HLCS: variants seen among roughly 807,000 people sequenced by gnomAD.
The protein encoded by HLCS is biotin--protein ligase.
Under a neutral mutation model 75.0 loss-of-function variants are expected in HLCS, and 53 were observed. That is an observed-to-expected ratio of 0.71 (90% CI 0.57 to 0.89). The LOEUF is 0.89. HLCS is among the 40% of genes least tolerant of loss of function. The probability of loss-of-function intolerance (pLI) is 0.00; values close to 1 mark genes in which losing one functional copy is unlikely to be tolerated. For synonymous variants in HLCS, 431 were observed against 428.6 expected (o/e 1.01, Z -0.07); for missense variants, 966 against 1,074.0 (o/e 0.90, Z 1.41).
intron 5 of HLCS, among the ~76,000 whole-genome samples, chr21:36,926,373 C>T (rs200085246): frequency 6.6e-6 from 1 of 152,196 alleles, no homozygotes; most frequent in Admixed American, 6.5e-5. Context: ...GTTTTACTAT[C>T]AGAGCGAACC....
At chr21:36,838,515 C>A (rs1011090471) in intron 6 of HLCS, among the ~76,000 whole-genome samples, 2 of 151,998 alleles carry the variant, frequency 1.3e-5, no homozygotes, top group African/African-American at 4.8e-5. Flanking sequence ...ACCATCCTGG[C>A]CAACACGGTG....
chr21:36,881,935 A>G (rs1207500782), intron 6 of HLCS, among the ~76,000 whole-genome samples: 2 of 152,042 alleles, frequency 1.3e-5, no homozygotes, highest in Non-Finnish European at 2.9e-5. Flanking sequence ...TCTGGGAAGC[A>G]GAGGTTGCAG....
chr21:36,946,088 T>G, intron 2 of HLCS: 1 of 984,984 alleles, frequency 1.0e-6, no homozygotes. Flanking sequence ...GGTTCCAAAA[T>G]ATAAAGTCCT....
chr21:36,917,905 G>A (rs2146433486), intron 5 of HLCS, among the ~76,000 whole-genome samples: 1 of 150,594 alleles, frequency 6.6e-6, no homozygotes, highest in East Asian at 2.0e-4. Flanking sequence ...GTGTGACTTT[G>A]GACCACGTAA....
chr21:36,906,833 T>C lies in HLCS; in HGVS notation c.1621-9702A>G, dbSNP rs575363662. 2.0e-3 allele frequency among the ~76,000 whole-genome samples: 302 copies of C among 152,322 alleles called. 1 individual carries two copies. The highest frequency in any genetic ancestry group is 7.1e-3 in the African/African-American group (294 of 41,560). On this transcript the variant is annotated intron_variant, in intron 5 of 10. Transcript: ENST00000674895. ...TGCAGTATATCAAGACGGTGTGGTA[T>C]TGGCACACAGAGATAGGTATAGATT... is the stretch of plus-strand genomic sequence containing the variant.
At chr21:36,966,932 C>T (rs1267254873), upstream of HLCS, among the ~76,000 whole-genome samples, 1 of 147,946 alleles carries the variant, frequency 6.8e-6, no homozygotes, top group Non-Finnish European at 1.5e-5. Flanking sequence ...GCACCGGGGT[C>T]AGGGGACGCC....
At chr21:36,777,008 T>G (rs956497539) in intron 6 of HLCS, among the ~76,000 whole-genome samples, 3 of 152,196 alleles carry the variant, frequency 2.0e-5, no homozygotes, top group Admixed American at 6.5e-5. Context: ...TATGTCCCCT[T>G]CCCCAACAGT....
chr21:36,790,232 T>C (rs897775347), intron 6 of HLCS, among the ~76,000 whole-genome samples: 13 of 152,098 alleles, frequency 8.5e-5, no homozygotes, highest in Non-Finnish European at 1.3e-4. Context: ...GGTGAAACCC[T>C]GTCTCTACTA....
chr21:36,896,779 C>A, intron 6 of HLCS, 81 bp downstream of exon 6: 4 of 1,489,352 alleles, frequency 2.7e-6, no homozygotes, highest in Non-Finnish European at 3.7e-6. Flanking sequence ...ACAACTCTAT[C>A]CCCTCCCCGT....
chr21:36,845,052 T>A (rs2062749236), intron 6 of HLCS, among the ~76,000 whole-genome samples: 1 of 152,224 alleles, frequency 6.6e-6, no homozygotes, highest in South Asian at 2.1e-4. Flanking sequence ...TGATTTTTTA[T>A]GCTTTCATTT....
intron 6 of HLCS, among the ~76,000 whole-genome samples, chr21:36,845,202 T>A (rs60754229): frequency 0.12 from 18,149 of 152,188 alleles, 1,485 homozygotes; most frequent in Non-Finnish European, 0.18. Context: ...CGATGACTCA[T>A]TTTCCTTCCC....
At chr21:36,802,348 C>T (rs1253663927) in intron 6 of HLCS, among the ~76,000 whole-genome samples, 1 of 152,214 alleles carries the variant, frequency 6.6e-6, no homozygotes, top group Non-Finnish European at 1.5e-5. Context: ...GCCAGCCCAA[C>T]TGAAAGGGGA....
chr21:36,750,632 A>C lies in HLCS; in HGVS notation c.*3614T>G, dbSNP rs1164999583. Among the ~76,000 whole-genome samples, 2 of 152,096 alleles carry C rather than the reference A, an allele frequency of 1.3e-5. No individual in the cohort carries two copies. The highest frequency in any genetic ancestry group is 2.9e-5 in the Non-Finnish European group (2 of 68,030). On this transcript the variant is annotated 3_prime_UTR_variant, in exon 11 of 11. Coordinates refer to ENST00000674895, the MANE Select transcript of HLCS (RefSeq NM_001352514.2). ...ATTTACCAGAGCTATAAGATGGTTA[A>C]GGTAGACTAGTGGGGACTGCTACAG... is the stretch of plus-strand genomic sequence containing the variant.
intron 1 of HLCS, among the ~76,000 whole-genome samples, chr21:36,983,400 G>A (rs2069162327): frequency 6.6e-6 from 1 of 151,526 alleles, no homozygotes; most frequent in Non-Finnish European, 1.5e-5. Flanking sequence ...TAGTAGAGAT[G>A]GGGTTTCACT....
chr21:36,805,845 A>C (rs1341998305), intron 6 of HLCS, among the ~76,000 whole-genome samples: 1 of 152,232 alleles, frequency 6.6e-6, no homozygotes, highest in African/African-American at 2.4e-5. Flanking sequence ...AGTAGGAGTT[A>C]AAAGAATAAA....
At chr21:36,782,104 TTAGTGA>T (rs2060553430) in intron 6 of HLCS, among the ~76,000 whole-genome samples, 1 of 152,214 alleles carries the variant, frequency 6.6e-6, no homozygotes, top group African/African-American at 2.4e-5. Context: ...TTGATGCTCA[TTAGTGA>T]TACTGGCCTG....
chr21:36,780,375 C>T lies in HLCS; in HGVS notation c.1893-13090G>A, dbSNP rs151248257. Among the ~76,000 whole-genome samples, 235 of 152,242 alleles carry T rather than the reference C, an allele frequency of 1.5e-3. 1 individual carries two copies. Among genetic ancestry groups the T allele is most frequent in the Admixed American group, 2.5e-3 (38 of 15,284 alleles). On this transcript the variant is annotated intron_variant, in intron 6 of 10. Coordinates refer to ENST00000674895, the MANE Select transcript of HLCS (RefSeq NM_001352514.2). ...CTGGAACTACAGGTGCCCACCACCA[C>T]GCCTGGCTTTTTTTTTGTATTTTTA...
intron 6 of HLCS, among the ~76,000 whole-genome samples, chr21:36,839,888 A>C (rs968758162): frequency 2.2e-4 from 33 of 152,226 alleles, no homozygotes; most frequent in African/African-American, 7.2e-4. Flanking sequence ...GTTAACATTT[A>C]TTTCGCTGGA....
At chr21:36,935,843 TC>T (rs2066855218) in intron 4 of HLCS, among the ~76,000 whole-genome samples, 1 of 152,202 alleles carries the variant, frequency 6.6e-6, no homozygotes. Flanking sequence ...CTTTCCATTT[TC>T]CCCCTACCTA....
Sources: gnomAD v4.1 joint callset for allele counts (sites outside exome capture counted in the v4.1 genomes callset) on GRCh38, gnomAD v4.1.1 for gene constraint, MANE v1.5 for transcripts, NCBI Gene and HGNC (gene_info 2026-07-23, HGNC 2026-07-21) for gene names.